The following KCND2 variants were observed in gnomAD, a reference collection of about 807,000 sequenced individuals.
KCND2 encodes potassium voltage-gated channel subfamily D member 2, also known as A-type voltage-gated potassium channel KCND2.
A neutral mutation model predicts 54.4 loss-of-function variants in KCND2; 16 were observed. The observed-to-expected ratio is 0.29, with a 90% CI of 0.20 to 0.45. The LOEUF (loss-of-function observed/expected upper bound fraction) is 0.45, where lower values mean the gene tolerates loss of function less well. Ranked by LOEUF, KCND2 falls within the 20% of genes least tolerant of loss-of-function variation. KCND2 has a pLI of 1.00. For synonymous variants in KCND2, 317 were observed against 310.7 expected, an observed-to-expected ratio of 1.02 and a Z score of -0.21; for missense variants, 486 against 824.2, an observed-to-expected ratio of 0.59 and a Z score of 5.02.
chr7:120,432,845 A>G (rs1801814200), intron 1 of KCND2, among the ~76,000 whole-genome samples: 1 of 152,070 alleles, frequency 6.6e-6, no homozygotes, highest in African/African-American at 2.4e-5. Context: ...CTTCCTTTTC[A>G]GTGTGTCTCC....
rs1584815340 is a variant in KCND2 at position 120,530,476 on chromosome 7, C to T, written c.1116-202427C>T. 2.0e-5 allele frequency among the ~76,000 whole-genome samples: 3 copies of T among 152,148 alleles called. No individual in the cohort carries two copies. In the East Asian group the frequency reaches 5.8e-4, roughly 29 times the overall value. ...CACCATCCTTCTTTGAAGTATATAT[C>T]TAACATTGTCATTGCTTCCAAAGAC... On this transcript the variant is annotated intron_variant, in intron 1 of 5. Transcript: ENST00000331113.
intron 1 of KCND2, among the ~76,000 whole-genome samples, chr7:120,301,788 C>A (rs1191474348): frequency 1.3e-5 from 2 of 152,058 alleles, no homozygotes; most frequent in Admixed American, 1.3e-4. Flanking sequence ...TAAGTTAAAT[C>A]TTCCTTAAAA....
intron 1 of KCND2, among the ~76,000 whole-genome samples, chr7:120,563,899 C>G (rs149479441): frequency 3.3e-5 from 5 of 152,158 alleles, no homozygotes; most frequent in African/African-American, 1.2e-4. Context: ...CCCCTTGAAG[C>G]CTTTACTTAT....
Position 120,585,648 on chromosome 7 carries a change from G to A in KCND2, c.1116-147255G>A, listed in dbSNP as rs958854295. ...AGTAGGAAATAAGTAGAGGGCAGGTGTCATCCATATAAATAGGTAAAGAAT... is the reference window on the plus strand; with the variant it reads ...AGTAGGAAATAAGTAGAGGGCAGGTATCATCCATATAAATAGGTAAAGAAT... On this transcript the variant is annotated intron_variant, in intron 1 of 5. Transcript: ENST00000331113. Among the ~76,000 whole-genome samples, 20 of 152,184 alleles carry A rather than the reference G, an allele frequency of 1.3e-4. 1 individual carries two copies. In the South Asian group the frequency reaches 2.3e-3, roughly 17 times the overall value.
At chr7:120,461,581 G>A (rs1393451296) in intron 1 of KCND2, among the ~76,000 whole-genome samples, 2 of 151,972 alleles carry the variant, frequency 1.3e-5, no homozygotes, top group African/African-American at 4.8e-5. Flanking sequence ...GACATTTAGG[G>A]ATGCTGCTAA....
chr7:120,678,701 A>G (rs1301049851), intron 1 of KCND2, among the ~76,000 whole-genome samples: 2 of 145,876 alleles, frequency 1.4e-5, no homozygotes, highest in African/African-American at 5.0e-5. Flanking sequence ...TCATGTATCT[A>G]TAGCACTTAC....
intron 1 of KCND2, among the ~76,000 whole-genome samples, chr7:120,421,968 A>G (rs1801631425): frequency 6.6e-6 from 1 of 152,198 alleles, no homozygotes; most frequent in Admixed American, 6.5e-5. Flanking sequence ...GAAATTCAGT[A>G]TAGACCCAGC....
rs1185326437 is a variant in KCND2 at position 120,530,780 on chromosome 7, AC to A, written c.1116-202121del. 3.9e-5 allele frequency among the ~76,000 whole-genome samples: 6 copies of A among 152,220 alleles called. No individual in the cohort carries two copies. In the East Asian group the frequency reaches 1.2e-3, roughly 29 times the overall value. On this transcript the variant is annotated intron_variant, in intron 1 of 5. Transcript: ENST00000331113. Reference sequence around the variant, plus strand: ...TTCAAATAATAATAGAATAATATCAACCATTATTCAATCCCACAAGTACCTG... The same window carrying A: ...TTCAAATAATAATAGAATAATATCAACATTATTCAATCCCACAAGTACCTG...
intron 1 of KCND2, among the ~76,000 whole-genome samples, chr7:120,327,071 C>T (rs1020197543): frequency 4.6e-5 from 7 of 152,172 alleles, no homozygotes; most frequent in East Asian, 3.9e-4. Context: ...CTTTCTTACA[C>T]GTTGTAATAA....
chr7:120,558,200 AT>A (rs1383688832), intron 1 of KCND2, among the ~76,000 whole-genome samples: 1 of 152,156 alleles, frequency 6.6e-6, no homozygotes, highest in Non-Finnish European at 1.5e-5. Context: ...CCTCCAACCA[AT>A]TATGATCTGA....
chr7:120,557,737 G>A (rs1792182096), intron 1 of KCND2, among the ~76,000 whole-genome samples: 1 of 152,108 alleles, frequency 6.6e-6, no homozygotes, highest in Non-Finnish European at 1.5e-5. Context: ...AGAAGGTTCA[G>A]AACTTTGTTT....
intron 1 of KCND2, among the ~76,000 whole-genome samples, chr7:120,699,829 C>G (rs1792378538): frequency 6.6e-6 from 1 of 152,082 alleles, no homozygotes; most frequent in African/African-American, 2.4e-5. Context: ...ATACAACTGT[C>G]AATTTCAGGT....
intron 1 of KCND2, among the ~76,000 whole-genome samples, chr7:120,393,976 TG>T (rs1231514685): frequency 6.6e-6 from 1 of 152,016 alleles, no homozygotes; most frequent in Non-Finnish European, 1.5e-5. Flanking sequence ...GATAACTTAC[TG>T]TCTTTTTCAG....
chr7:120,461,027 G>A (rs1416751544), intron 1 of KCND2, among the ~76,000 whole-genome samples: 3 of 152,084 alleles, frequency 2.0e-5, no homozygotes, highest in African/African-American at 7.2e-5. Flanking sequence ...ACCTCTGTCT[G>A]CCTTTTGTTC....
rs117411426 is a variant in KCND2, at chr7:120,537,651, G to A, written c.1116-195252G>A. ...ATTAACTTAGCAAGATCTGGAAAAC[G>A]TGTTGCAGCTTCCATCTATATTAGC... On this transcript the variant is annotated intron_variant, in intron 1 of 5. Coordinates refer to ENST00000331113, the MANE Select transcript of KCND2 (RefSeq NM_012281.3). Among the ~76,000 whole-genome samples the A allele has an allele frequency of 2.3e-3, 352 of 152,288 alleles. 5 individuals carry two copies. The East Asian group carries it at 0.054, about 24-fold the overall frequency.
At chr7:120,702,581 A>G (rs544630505) in intron 1 of KCND2, among the ~76,000 whole-genome samples, 70 of 152,370 alleles carry the variant, frequency 4.6e-4, no homozygotes, top group African/African-American at 1.6e-3. Flanking sequence ...AATATGTGGT[A>G]CATATACACC....
intron 1 of KCND2, among the ~76,000 whole-genome samples, chr7:120,282,347 T>A (rs954624610): frequency 2.0e-5 from 3 of 152,154 alleles, no homozygotes; most frequent in Admixed American, 2.0e-4. Context: ...TAGGGAAATA[T>A]TGTCTGTAAA....
In KCND2 at chr7:120,318,358, A is replaced by G. The variant is rs112947696; in HGVS notation, c.1115+42611A>G. Among the ~76,000 whole-genome samples, 288 of 152,284 alleles carry G rather than the reference A, an allele frequency of 1.9e-3. 1 individual carries two copies. The highest frequency in any genetic ancestry group is 6.4e-3 in the African/African-American group (268 of 41,580). On this transcript the variant is annotated intron_variant, in intron 1 of 5. Coordinates refer to ENST00000331113, the MANE Select transcript of KCND2 (RefSeq NM_012281.3). The stretch of plus-strand genomic sequence containing the variant: ...TGATTTATATCACTAAGTCTAGATC[A>G]TAATCCTAGGCTCTTTCAGAAATAA...
At chr7:120,731,686 A>C (rs1208791618) in intron 1 of KCND2, among the ~76,000 whole-genome samples, 1 of 152,232 alleles carries the variant, frequency 6.6e-6, no homozygotes, top group Non-Finnish European at 1.5e-5. Context: ...AAATGTAGAA[A>C]GGAGAGTCAG....
Sources: gnomAD v4.1 joint callset for allele counts (sites outside exome capture counted in the v4.1 genomes callset) on GRCh38, gnomAD v4.1.1 for gene constraint, MANE v1.5 for transcripts, NCBI Gene and HGNC (gene_info 2026-07-23, HGNC 2026-07-21) for gene names.